Variants in KCNIP4 observed in about 807,000 individuals in gnomAD.
The protein encoded by KCNIP4 is Kv channel-interacting protein 4.
A neutral mutation model predicts 34.0 loss-of-function variants in KCNIP4; 12 were observed. The observed-to-expected ratio is 0.35, with a 90% CI of 0.23 to 0.57. The LOEUF (loss-of-function observed/expected upper bound fraction) is 0.57, where lower values mean the gene tolerates loss of function less well. Ranked by LOEUF, KCNIP4 falls within the 20% of genes least tolerant of loss-of-function variation. The pLI is 0.83. For synonymous variants in KCNIP4, 124 were observed against 102.2 expected, an observed-to-expected ratio of 1.21 and a Z score of -1.29; for missense variants, 238 against 311.7, an observed-to-expected ratio of 0.76 and a Z score of 1.78.
At chr4:20,958,472 T>C (rs1171114826) in intron 1 of KCNIP4, among the ~76,000 whole-genome samples, 1 of 152,204 alleles carries the variant, frequency 6.6e-6, no homozygotes, top group Non-Finnish European at 1.5e-5. Context: ...GGGTAACATA[T>C]GTACAGGCTT....
chr4:21,686,619 C>A (rs1750821040), intron 1 of KCNIP4, among the ~76,000 whole-genome samples: 1 of 152,056 alleles, frequency 6.6e-6, no homozygotes, highest in African/African-American at 2.4e-5. Context: ...ATATACAGGA[C>A]CTACCCCATT....
chr4:20,772,941 CT>C (rs34299822), intron 3 of KCNIP4, among the ~76,000 whole-genome samples: 12,216 of 152,066 alleles, frequency 0.08, 629 homozygotes, highest in Admixed American at 0.13. Context: ...GCCCCTTTCC[CT>C]TTCTTATTGC....
chr4:20,866,722 C>T (rs963124730), intron 2 of KCNIP4, among the ~76,000 whole-genome samples: 1 of 152,048 alleles, frequency 6.6e-6, no homozygotes, highest in Non-Finnish European at 1.5e-5. Context: ...CAAACTATCT[C>T]TCTTCACTGA....
At chr4:21,726,996 T>C (rs1715242824) in intron 1 of KCNIP4, among the ~76,000 whole-genome samples, 2 of 152,196 alleles carry the variant, frequency 1.3e-5, no homozygotes. Flanking sequence ...TGTTTGGCAC[T>C]ACACAGTGCA....
chr4:20,894,238 CCTTTAATATCG>C (rs1726259950), intron 1 of KCNIP4, among the ~76,000 whole-genome samples: 1 of 152,096 alleles, frequency 6.6e-6, no homozygotes, highest in Non-Finnish European at 1.5e-5. Flanking sequence ...GCCAAGCATG[CCTTTAATATCG>C]GAAAGCAAGC....
At chr4:21,595,903 G>T (rs1742608528) in intron 1 of KCNIP4, among the ~76,000 whole-genome samples, 1 of 152,054 alleles carries the variant, frequency 6.6e-6, no homozygotes, top group African/African-American at 2.4e-5. Context: ...AGAATCCCCA[G>T]GAGCATGTGA....
intron 1 of KCNIP4, among the ~76,000 whole-genome samples, chr4:21,522,862 A>AT (rs1403696382): frequency 6.6e-6 from 1 of 152,082 alleles, no homozygotes; most frequent in Non-Finnish European, 1.5e-5. Flanking sequence ...CATAGTAAAA[A>AT]ATATATATAT....
At chr4:21,408,905 T>C (rs1247754052) in intron 1 of KCNIP4, among the ~76,000 whole-genome samples, 1 of 152,160 alleles carries the variant, frequency 6.6e-6, no homozygotes, top group Non-Finnish European at 1.5e-5. Context: ...ACCAGTGACA[T>C]CCCAAATCTG....
intron 1 of KCNIP4, among the ~76,000 whole-genome samples, chr4:21,385,991 T>C (rs575163864): frequency 6.6e-6 from 1 of 152,270 alleles, no homozygotes; most frequent in African/African-American, 2.4e-5. Context: ...GATCTAACGG[T>C]CATCAATCAA....
At chr4:21,411,286 C>T (rs1184021472) in intron 1 of KCNIP4, among the ~76,000 whole-genome samples, 2 of 151,984 alleles carry the variant, frequency 1.3e-5, no homozygotes, top group Non-Finnish European at 2.9e-5. Context: ...TTGATATTTA[C>T]TAAAAATAGC....
chr4:21,470,835 A>AAG (rs1553888009), intron 1 of KCNIP4, among the ~76,000 whole-genome samples: 1 of 150,860 alleles, frequency 6.6e-6, no homozygotes, highest in African/African-American at 2.4e-5. Context: ...AAAAAAAAAA[A>AAG]GTCCTCTTTG....
At chr4:21,078,199 G>A (rs1745671707) in intron 1 of KCNIP4, among the ~76,000 whole-genome samples, 1 of 152,066 alleles carries the variant, frequency 6.6e-6, no homozygotes, top group Non-Finnish European at 1.5e-5. Flanking sequence ...AGAGTGACTG[G>A]AAAGAGTCAG....
chr4:21,455,567 A>G (rs2109756501), intron 1 of KCNIP4, among the ~76,000 whole-genome samples: 1 of 151,624 alleles, frequency 6.6e-6, no homozygotes, highest in African/African-American at 2.4e-5. Flanking sequence ...TAGTTTTATC[A>G]GATAAATCCA....
At chr4:21,509,866 C>T (rs1439594566) in intron 1 of KCNIP4, among the ~76,000 whole-genome samples, 1 of 152,040 alleles carries the variant, frequency 6.6e-6, no homozygotes, top group Non-Finnish European at 1.5e-5. Flanking sequence ...GCCTGTAATC[C>T]TAGCAGTTTG....
At chr4:21,465,942 A>G (rs1729890866) in intron 1 of KCNIP4, among the ~76,000 whole-genome samples, 1 of 152,192 alleles carries the variant, frequency 6.6e-6, no homozygotes, top group African/African-American at 2.4e-5. Flanking sequence ...CCCTGGAGCA[A>G]GAACACCAAA....
intron 1 of KCNIP4, among the ~76,000 whole-genome samples, chr4:21,923,275 C>T (rs549750061): frequency 6.6e-6 from 1 of 152,274 alleles, no homozygotes; most frequent in South Asian, 2.1e-4. Flanking sequence ...ACCCAACTAC[C>T]CATTTAAAAT....
intron 1 of KCNIP4, among the ~76,000 whole-genome samples, chr4:21,795,094 A>G (rs1297677153): frequency 6.6e-6 from 1 of 152,126 alleles, no homozygotes; most frequent in Admixed American, 6.5e-5. Context: ...TCAAAATGAG[A>G]TTGTATTCGG....
intron 1 of KCNIP4, among the ~76,000 whole-genome samples, chr4:21,217,020 A>T (rs1029491421): frequency 2.6e-5 from 4 of 152,198 alleles, no homozygotes; most frequent in Non-Finnish European, 5.9e-5. Context: ...TCACTGAATG[A>T]CTACTATGCA....
intron 1 of KCNIP4, among the ~76,000 whole-genome samples, chr4:21,253,791 G>A (rs554248118): frequency 3.3e-4 from 50 of 152,304 alleles, no homozygotes; most frequent in Admixed American, 3.3e-3. Flanking sequence ...TAATAGCCAA[G>A]TAGTGGAAAC....
Sources: allele counts gnomAD v4.1 joint callset (sites outside exome capture counted in the v4.1 genomes callset), GRCh38; gene constraint gnomAD v4.1.1; transcripts MANE v1.5; gene names NCBI Gene and HGNC (gene_info 2026-07-23, HGNC 2026-07-21).